CD82: variants seen among roughly 807,000 people sequenced by gnomAD.
The protein encoded by CD82 is CD82 antigen.
Under a neutral mutation model 37.4 loss-of-function variants are expected in CD82, and 36 were observed. The ratio of observed to expected loss-of-function variants is 0.96; its 90% CI spans 0.74 to 1.27. The LOEUF (loss-of-function observed/expected upper bound fraction) is 1.27. CD82 is among the 50% of genes most tolerant of loss of function. CD82 has a pLI of 0.00. For missense variants in CD82, 340 were observed against 347.0 expected (o/e 0.98, Z 0.16); for synonymous variants, 158 against 137.4 (o/e 1.15, Z -1.05).
chr11:44,603,975 G>A (rs952775478), intron 4 of CD82, among the ~76,000 whole-genome samples: 2 of 152,142 alleles, frequency 1.3e-5, no homozygotes, highest in Admixed American at 1.3e-4. Context: ...TGTGTTCCCT[G>A]CCTGGAATGC....
At chr11:44,618,409 T>A in intron 8 of CD82, 44 bp downstream of exon 8, 1 of 1,553,120 alleles carries the variant, frequency 6.4e-7, no homozygotes, top group Non-Finnish European at 8.8e-7. Flanking sequence ...CCGAGGGCGT[T>A]GGGGGCCATC....
intron 6 of CD82, among the ~76,000 whole-genome samples, chr11:44,612,216 A>G (rs918888532): frequency 4.6e-5 from 7 of 152,222 alleles, no homozygotes; most frequent in African/African-American, 1.7e-4. Context: ...AAATGCCAAT[A>G]AAGCTTAATA....
intron 3 of CD82, chr11:44,596,773 G>A (rs1169065767): frequency 2.5e-6 from 1 of 393,466 alleles, no homozygotes; most frequent in Non-Finnish European, 5.1e-6. Flanking sequence ...CAGCAAATGT[G>A]TATCTGACAC....
chr11:44,605,518 C>A, intron 6 of CD82, 89 bp downstream of exon 6: 4 of 1,198,402 alleles, frequency 3.3e-6, no homozygotes, highest in South Asian at 1.2e-5. Flanking sequence ...GGAACCCCCC[C>A]AGTTGTCACA....
At chr11:44,610,459 T>C (rs1401125164) in intron 6 of CD82, among the ~76,000 whole-genome samples, 3 of 152,192 alleles carry the variant, frequency 2.0e-5, no homozygotes, top group African/African-American at 7.2e-5. Flanking sequence ...GACTCTTACA[T>C]TTGGATGATT....
chr11:44,593,436 C>T (rs2134653632), intron 2 of CD82, among the ~76,000 whole-genome samples: 1 of 152,354 alleles, frequency 6.6e-6, no homozygotes, highest in East Asian at 1.9e-4. Flanking sequence ...GCTCCCTTTG[C>T]CCCAAAGGGT....
At chr11:44,565,238 C>T (rs1019490973), upstream of CD82, among the ~76,000 whole-genome samples, 2 of 151,442 alleles carry the variant, frequency 1.3e-5, no homozygotes, top group Non-Finnish European at 2.9e-5. Flanking sequence ...CTACTAGGGC[C>T]GGGGGATGGG....
At chr11:44,617,537 T>G in intron 7 of CD82, among the ~76,000 whole-genome samples, 1 of 125,126 alleles carries the variant, frequency 8.0e-6, no homozygotes, top group African/African-American at 3.2e-5. Flanking sequence ...CCAGCCTGGG[T>G]GACTGAGCAA....
intron 2 of CD82, among the ~76,000 whole-genome samples, chr11:44,590,277 T>C (rs1029859080): frequency 6.6e-6 from 1 of 152,052 alleles, no homozygotes; most frequent in Admixed American, 6.5e-5. Flanking sequence ...TTTTCATGCA[T>C]TAAAGAATCT....
rs1321879038 is a variant in CD82, at chr11:44,618,515, T to C, written c.643-125T>C. The C allele has an allele frequency of 1.2e-5, 13 of 1,074,788 alleles. 2 individuals are homozygous for C. The highest frequency in any genetic ancestry group is 2.3e-4 in the Middle Eastern group (1 of 4,326). 66.6% of individuals were successfully genotyped at this position (1,074,788 alleles called of 1,614,324 possible). A position where few individuals can be genotyped will look rare whatever the true frequency, so the allele number is the denominator to read the frequency against. ...ATCTACTTCTTTGTTAATGTATTTA[T>C]TCAAGGAACAGGCAGAGCCCTCTGT... On this transcript the variant is annotated intron_variant, in intron 8 of 9. Transcript: ENST00000227155.
At chr11:44,583,275 G>A (rs757119269) in intron 1 of CD82, among the ~76,000 whole-genome samples, 3 of 152,262 alleles carry the variant, frequency 2.0e-5, no homozygotes, top group Non-Finnish European at 4.4e-5. Flanking sequence ...TGGGGTCCAG[G>A]CAGGAATGCT....
At chr11:44,575,267 A>G (rs17541041) in intron 1 of CD82, among the ~76,000 whole-genome samples, 21,262 of 151,970 alleles carry the variant, frequency 0.14, 1,558 homozygotes, top group South Asian at 0.19. Flanking sequence ...TCTGATTTTG[A>G]CCCTCTCCTC....
chr11:44,618,831 A>G lies in CD82; in HGVS notation c.726+108A>G, dbSNP rs1423381254. 9.3e-6 allele frequency: 9 copies of G among 969,218 alleles called. No homozygotes were observed. In the South Asian group the frequency reaches 1.2e-4, roughly 13 times the overall value. 60.0% of individuals were successfully genotyped at this position (969,218 alleles called of 1,614,324 possible). A position where few individuals can be genotyped will look rare whatever the true frequency, so the allele number is the denominator to read the frequency against. ...TGGCCAAGGGGGCCAGCACCCCATC[A>G]GCTTCCAGAGGCCCTCTGGTCTGAG... On this transcript the variant is annotated intron_variant, in intron 9 of 9. Transcript: ENST00000227155.
intron 2 of CD82, among the ~76,000 whole-genome samples, chr11:44,593,197 T>C (rs1853170522): frequency 6.6e-6 from 1 of 152,218 alleles, no homozygotes; most frequent in Non-Finnish European, 1.5e-5. Flanking sequence ...GTAGGGAACC[T>C]GTGTGTAGCC....
intron 2 of CD82, among the ~76,000 whole-genome samples, chr11:44,593,418 C>T (rs1019083931): frequency 3.3e-5 from 5 of 152,216 alleles, no homozygotes; most frequent in East Asian, 1.9e-4. Context: ...AGCTGCCCGG[C>T]GGTGCTGGCT....
intron 6 of CD82, chr11:44,608,122 CA>C (rs1853426125): frequency 6.6e-6 from 1 of 152,114 alleles, no homozygotes. Flanking sequence ...TTTTCTTTCG[CA>C]ACGCATCATA....
chr11:44,603,390 T>G (rs899654735), intron 4 of CD82, among the ~76,000 whole-genome samples: 1 of 152,142 alleles, frequency 6.6e-6, no homozygotes, highest in Non-Finnish European at 1.5e-5. Flanking sequence ...GGGACCAAGG[T>G]GGGGACCTCG....
chr11:44,607,528 GT>G (rs897967204), intron 6 of CD82, among the ~76,000 whole-genome samples: 1 of 152,200 alleles, frequency 6.6e-6, no homozygotes, highest in African/African-American at 2.4e-5. Context: ...TCAGAAGCTG[GT>G]CGCCTCTGCA....
At chr11:44,598,985 C>T (rs1310999855) in intron 3 of CD82, among the ~76,000 whole-genome samples, 1 of 152,240 alleles carries the variant, frequency 6.6e-6, no homozygotes, top group African/African-American at 2.4e-5. Context: ...GAACCTGCAT[C>T]TTTGCCCAGA....
Sources: gnomAD v4.1 joint callset for allele counts (sites outside exome capture counted in the v4.1 genomes callset) on GRCh38, gnomAD v4.1.1 for gene constraint, MANE v1.5 for transcripts, NCBI Gene and HGNC (gene_info 2026-07-23, HGNC 2026-07-21) for gene names.